The following PTPRD variants were observed in gnomAD, a reference collection of about 807,000 sequenced individuals.
PTPRD encodes the protein protein tyrosine phosphatase receptor type D, also known as receptor-type tyrosine-protein phosphatase delta.
Under a neutral mutation model 214.5 loss-of-function variants are expected in PTPRD, and 34 were observed. The ratio of observed to expected loss-of-function variants is 0.16; its 90% CI spans 0.12 to 0.21. PTPRD has a LOEUF of 0.21. Among genes scored for constraint, PTPRD ranks in the 10% least tolerant of loss-of-function variants. The probability of loss-of-function intolerance (pLI) is 1.00; values close to 1 mark genes in which losing one functional copy is unlikely to be tolerated. For missense variants in PTPRD, 2,545 were observed against 2,398.7 expected, an observed-to-expected ratio of 1.06 and a Z score of -1.27; for synonymous variants, 1,128 against 845.7, an observed-to-expected ratio of 1.33 and a Z score of -5.79.
intron 4 of PTPRD, among the ~76,000 whole-genome samples, chr9:9,959,549 AATCT>A (rs2094200710): frequency 6.6e-6 from 1 of 152,174 alleles, no homozygotes; most frequent in South Asian, 2.1e-4. Context: ...ATGGCAAGAG[AATCT>A]ATCTTCCTAC....
At chr9:9,128,206 A>G (rs932671979) in intron 10 of PTPRD, among the ~76,000 whole-genome samples, 1 of 152,170 alleles carries the variant, frequency 6.6e-6, no homozygotes, top group African/African-American at 2.4e-5. Context: ...AAAAAATAAA[A>G]CTCATAATAT....
chr9:9,357,586 A>C (rs921308556), intron 9 of PTPRD, among the ~76,000 whole-genome samples: 2 of 151,282 alleles, frequency 1.3e-5, no homozygotes, highest in Non-Finnish European at 3.0e-5. Flanking sequence ...TATAAGAATC[A>C]GAGAGCAGTG....
chr9:8,498,479 T>A (rs2097325622), intron 25 of PTPRD, among the ~76,000 whole-genome samples: 1 of 152,124 alleles, frequency 6.6e-6, no homozygotes, highest in Non-Finnish European at 1.5e-5. Context: ...GGTTTCACCA[T>A]GTTGAGCAGG....
At chr9:10,448,654 T>C (rs1338162898) in intron 2 of PTPRD, among the ~76,000 whole-genome samples, 8 of 152,040 alleles carry the variant, frequency 5.3e-5, no homozygotes, top group Admixed American at 6.5e-5. Flanking sequence ...AAAATTACTT[T>C]TTTCCTATTT....
At chr9:9,256,673 C>G (rs1016855942) in intron 9 of PTPRD, among the ~76,000 whole-genome samples, 135 of 151,952 alleles carry the variant, frequency 8.9e-4, no homozygotes, top group African/African-American at 3.2e-3. Flanking sequence ...AATATAGTTT[C>G]TTTCTATTAT....
intron 11 of PTPRD, among the ~76,000 whole-genome samples, chr9:8,759,498 T>G (rs1454457736): frequency 6.6e-6 from 1 of 152,220 alleles, no homozygotes; most frequent in East Asian, 1.9e-4. Context: ...CTGTGAGACC[T>G]GACAATACAC....
intron 4 of PTPRD, among the ~76,000 whole-genome samples, chr9:9,992,868 G>T (rs962978303): frequency 2.0e-5 from 3 of 152,014 alleles, no homozygotes; most frequent in African/African-American, 7.3e-5. Context: ...GTTAACGGGT[G>T]CAGCACACCA....
intron 8 of PTPRD, among the ~76,000 whole-genome samples, chr9:9,431,581 G>T (rs912704571): frequency 6.6e-6 from 1 of 152,072 alleles, no homozygotes; most frequent in East Asian, 1.9e-4. Flanking sequence ...TATAAATCAT[G>T]CTACTATAAA....
intron 9 of PTPRD, among the ~76,000 whole-genome samples, chr9:9,391,019 A>T (rs548723144): frequency 6.6e-6 from 1 of 152,294 alleles, no homozygotes; most frequent in South Asian, 2.1e-4. Flanking sequence ...GAGATGCATT[A>T]TTAAGTTGAG....
intron 5 of PTPRD, among the ~76,000 whole-genome samples, chr9:9,855,942 G>A (rs2061475301): frequency 6.6e-6 from 1 of 152,186 alleles, no homozygotes; most frequent in African/African-American, 2.4e-5. Flanking sequence ...GGGCCAGTGT[G>A]ACAGCATCCT....
intron 4 of PTPRD, among the ~76,000 whole-genome samples, chr9:9,969,201 C>G (rs960651496): frequency 5.3e-5 from 8 of 152,088 alleles, no homozygotes; most frequent in Admixed American, 3.3e-4. Context: ...ATTTAGCGAT[C>G]AAAGAATTAC....
chr9:8,463,275 T>A (rs1440458494), intron 32 of PTPRD, among the ~76,000 whole-genome samples: 4 of 101,924 alleles, frequency 3.9e-5, no homozygotes, highest in Non-Finnish European at 5.4e-5. Context: ...AGATAAAAAC[T>A]CAGTATATAT....
intron 2 of PTPRD, among the ~76,000 whole-genome samples, chr9:10,570,338 C>T (rs746929443): frequency 3.0e-4 from 46 of 152,206 alleles, no homozygotes; most frequent in Admixed American, 2.4e-3. Flanking sequence ...AAGAAAGTGG[C>T]CCAAAGGTCA....
chr9:8,803,510 C>G (rs1338715580), intron 11 of PTPRD, among the ~76,000 whole-genome samples: 1 of 152,070 alleles, frequency 6.6e-6, no homozygotes, highest in Admixed American at 6.6e-5. Flanking sequence ...GTTCTTTACA[C>G]TTACATTTAT....
chr9:9,003,685 G>T (rs959786728), intron 11 of PTPRD, among the ~76,000 whole-genome samples: 1 of 152,034 alleles, frequency 6.6e-6, no homozygotes, highest in Admixed American at 6.6e-5. Flanking sequence ...TCATTAGCAA[G>T]CATGTTGGTT....
intron 5 of PTPRD, among the ~76,000 whole-genome samples, chr9:9,893,401 A>C (rs1213624097): frequency 6.6e-6 from 1 of 152,142 alleles, no homozygotes; most frequent in Non-Finnish European, 1.5e-5. Context: ...ATGCAATGAC[A>C]CACATAGACT....
chr9:9,845,694 G>A (rs1024752230), intron 5 of PTPRD, among the ~76,000 whole-genome samples: 1 of 151,896 alleles, frequency 6.6e-6, no homozygotes, highest in African/African-American at 2.4e-5. Flanking sequence ...ACCCATACTC[G>A]AAAAAAGTCC....
chr9:10,561,472 T>C (rs890255797), intron 2 of PTPRD, among the ~76,000 whole-genome samples: 1 of 152,196 alleles, frequency 6.6e-6, no homozygotes, highest in African/African-American at 2.4e-5. Flanking sequence ...TATGCACTTA[T>C]CATCTTTACA....
At chr9:9,585,348 T>G (rs1258954803) in intron 7 of PTPRD, among the ~76,000 whole-genome samples, 2 of 152,120 alleles carry the variant, frequency 1.3e-5, no homozygotes, top group African/African-American at 4.8e-5. Context: ...AACTTGTACT[T>G]AGACACTTGG....
Sources: gnomAD v4.1 joint callset for allele counts (sites outside exome capture counted in the v4.1 genomes callset) on GRCh38, gnomAD v4.1.1 for gene constraint, MANE v1.5 for transcripts, NCBI Gene and HGNC (gene_info 2026-07-23, HGNC 2026-07-21) for gene names.